Variants in COP1 observed in about 807,000 individuals in gnomAD.
The protein encoded by COP1 is COP1 E3 ubiquitin ligase, also known as E3 ubiquitin-protein ligase COP1.
In COP1, 24 loss-of-function variants were observed where a neutral mutation model predicts 101.3. That is an observed-to-expected ratio of 0.24 (90% CI 0.17 to 0.33). COP1 has a LOEUF of 0.33. Among genes scored for constraint, COP1 ranks in the 10% least tolerant of loss-of-function variants. The pLI is 1.00. For synonymous variants in COP1, 347 were observed against 341.9 expected (o/e 1.01, Z -0.17); for missense variants, 663 against 906.2 (o/e 0.73, Z 3.45).
At chr1:176,087,517 T>C (rs1259457401) in intron 9 of COP1, among the ~76,000 whole-genome samples, 11 of 152,156 alleles carry the variant, frequency 7.2e-5, no homozygotes, top group South Asian at 2.1e-4. Context: ...ATCATCATCA[T>C]TGGCCATCAG....
intron 8 of COP1, among the ~76,000 whole-genome samples, chr1:176,127,589 GTA>G (rs1491026529): frequency 7.7e-5 from 9 of 117,348 alleles, no homozygotes; most frequent in South Asian, 3.0e-4. Context: ...GTGTGTGTGT[GTA>G]TGTGTATATA....
At chr1:176,177,355 A>C (rs1369030131) in intron 2 of COP1, among the ~76,000 whole-genome samples, 1 of 151,714 alleles carries the variant, frequency 6.6e-6, no homozygotes. Context: ...ATATTAAAAA[A>C]AAAAAAGAAA....
intron 1 of COP1, among the ~76,000 whole-genome samples, chr1:176,201,972 A>G (rs1039783733): frequency 3.3e-5 from 5 of 152,188 alleles, no homozygotes; most frequent in African/African-American, 1.2e-4. Context: ...TCTTTAAATT[A>G]TATTTAGTCC....
chr1:175,956,871 G>T (rs1304300259), intron 18 of COP1, among the ~76,000 whole-genome samples: 6 of 152,166 alleles, frequency 3.9e-5, no homozygotes, highest in Non-Finnish European at 1.5e-5. Context: ...ACAGCTCTAT[G>T]TGTGTTATTG....
chr1:176,064,758 A>G (rs538637784), intron 11 of COP1, among the ~76,000 whole-genome samples: 56 of 151,772 alleles, frequency 3.7e-4, no homozygotes, highest in African/African-American at 1.4e-3. Context: ...GACTCAATCG[A>G]TGCCCCTGCC....
chr1:175,980,803 G>A (rs1423598729), intron 18 of COP1, among the ~76,000 whole-genome samples: 1 of 152,074 alleles, frequency 6.6e-6, no homozygotes, highest in Non-Finnish European at 1.5e-5. Context: ...TAGGATTGGT[G>A]AGTAGCTAAG....
chr1:176,202,996 C>G (rs970057333), intron 1 of COP1, among the ~76,000 whole-genome samples: 6 of 152,046 alleles, frequency 3.9e-5, no homozygotes, highest in African/African-American at 1.4e-4. Context: ...AATGGTAGAT[C>G]TATTTAATGT....
At chr1:176,014,090 G>A (rs1336413744) in intron 15 of COP1, among the ~76,000 whole-genome samples, 1 of 152,258 alleles carries the variant, frequency 6.6e-6, no homozygotes, top group African/African-American at 2.4e-5. Flanking sequence ...GGAGAATAAA[G>A]GGTGCACAAT....
At chr1:176,117,551 G>A (rs919979102) in intron 8 of COP1, among the ~76,000 whole-genome samples, 4 of 152,192 alleles carry the variant, frequency 2.6e-5, no homozygotes, top group East Asian at 3.9e-4. Flanking sequence ...CATACCAACC[G>A]TATAAACGAT....
intron 15 of COP1, among the ~76,000 whole-genome samples, chr1:176,000,345 T>C (rs1241055813): frequency 2.0e-5 from 3 of 150,878 alleles, no homozygotes; most frequent in Non-Finnish European, 4.4e-5. Flanking sequence ...CTGGCATTTA[T>C]TGAAAAGACT....
intron 1 of COP1, among the ~76,000 whole-genome samples, chr1:176,193,253 A>G (rs1357237762): frequency 6.6e-6 from 1 of 152,208 alleles, no homozygotes; most frequent in Non-Finnish European, 1.5e-5. Flanking sequence ...TAGGTTGGCT[A>G]TTATCAAAAA....
At chr1:175,984,620 T>C (rs1469715001) in intron 18 of COP1, among the ~76,000 whole-genome samples, 2 of 152,016 alleles carry the variant, frequency 1.3e-5, no homozygotes, top group African/African-American at 2.4e-5. Flanking sequence ...AAATGGTAGA[T>C]CCACTGACAG....
chr1:176,046,239 G>T lies in COP1; in HGVS notation c.1363C>A (p.Gln455Lys). Reference sequence around the variant, plus strand: ...GGGTAATGAATATCCACTGCATCCTGGATGACAGTGTCATATTCATAGACT... The same window carrying T: ...GGGTAATGAATATCCACTGCATCCTTGATGACAGTGTCATATTCATAGACT... Reference protein sequence around the residue: ...IKVYEYDTVIQDAVDIHYPEN... With the variant: ...IKVYEYDTVIKDAVDIHYPEN... The change falls in exon 12 of 20, where the codon CAG becomes AAG. Residue 455 changes from glutamine (Q) to lysine (K), a missense_variant. Around this residue, in one of 4 missense-constraint regions of COP1, gnomAD observed 209 missense variants for 383.3 expected, o/e 0.55. Transcript: ENST00000367669. The T allele has an allele frequency of 6.2e-7, 1 of 1,606,386 alleles. No individual in the cohort carries two copies.
At chr1:176,160,036 T>G (rs1054710419) in intron 5 of COP1, among the ~76,000 whole-genome samples, 20 of 152,228 alleles carry the variant, frequency 1.3e-4, no homozygotes, top group African/African-American at 4.8e-4. Context: ...AGCAATAATG[T>G]AAAAAAATCT....
At chr1:176,001,693 T>C (rs1661643910) in intron 15 of COP1, among the ~76,000 whole-genome samples, 1 of 152,116 alleles carries the variant, frequency 6.6e-6, no homozygotes, top group African/African-American at 2.4e-5. Flanking sequence ...CTTAACCAGT[T>C]CTCTTTACTA....
intron 15 of COP1, among the ~76,000 whole-genome samples, chr1:176,007,671 G>A (rs1172909854): frequency 5.9e-5 from 9 of 152,110 alleles, no homozygotes; most frequent in African/African-American, 2.4e-5. Flanking sequence ...TCAGGGGTCA[G>A]GGACCCACTT....
At chr1:176,012,406 G>A (rs941674116) in intron 15 of COP1, among the ~76,000 whole-genome samples, 1 of 152,164 alleles carries the variant, frequency 6.6e-6, no homozygotes, top group African/African-American at 2.4e-5. Flanking sequence ...GATTATAGAT[G>A]TAAGCCACCG....
At chr1:175,983,607 C>G (rs894051971) in intron 18 of COP1, among the ~76,000 whole-genome samples, 1 of 152,128 alleles carries the variant, frequency 6.6e-6, no homozygotes, top group Non-Finnish European at 1.5e-5. Flanking sequence ...AAATGTGGAA[C>G]TGACTTTGGA....
rs114179676 is a variant in COP1 at position 176,192,391 on chromosome 1, A to G, written c.408-7699T>C. 2.8e-3 allele frequency among the ~76,000 whole-genome samples: 421 copies of G among 152,232 alleles called. 1 individual carries two copies. The highest frequency in any genetic ancestry group is 9.7e-3 in the African/African-American group (404 of 41,546). ...AACAACAGTACCAGGCCTCAAACACAGACACAGATCTTCACTAGTGCTCCA... is the reference window on the plus strand; with the variant it reads ...AACAACAGTACCAGGCCTCAAACACGGACACAGATCTTCACTAGTGCTCCA... On this transcript the variant is annotated intron_variant, in intron 1 of 19. Transcript: ENST00000367669.
Sources: gnomAD v4.1 joint callset for allele counts (sites outside exome capture counted in the v4.1 genomes callset) on GRCh38, gnomAD v4.1.1 for gene constraint, gnomAD v4.1.1 regional missense constraint, MANE v1.5 for transcripts, NCBI Gene and HGNC (gene_info 2026-07-23, HGNC 2026-07-21) for gene names.